MKRN1: variants seen among roughly 807,000 people sequenced by gnomAD.
The protein encoded by MKRN1 is E3 ubiquitin-protein ligase makorin-1.
In MKRN1, 9 loss-of-function variants were observed where a neutral mutation model predicts 55.5. The observed-to-expected ratio is 0.16, with a 90% CI of 0.10 to 0.28. The LOEUF (loss-of-function observed/expected upper bound fraction) is 0.28, where lower values mean the gene tolerates loss of function less well. MKRN1 is among the 10% of genes least tolerant of loss of function. MKRN1 has a pLI of 1.00. For synonymous variants in MKRN1, 253 were observed against 235.9 expected, an observed-to-expected ratio of 1.07 and a Z score of -0.66; for missense variants, 488 against 626.7, an observed-to-expected ratio of 0.78 and a Z score of 2.36.
At chr7:140,473,080 C>T (rs914605303) in intron 1 of MKRN1, among the ~76,000 whole-genome samples, 1 of 151,342 alleles carries the variant, frequency 6.6e-6, no homozygotes, top group African/African-American at 2.4e-5. Flanking sequence ...GCCTGGACAA[C>T]AGAGAGACTC....
In MKRN1 at chr7:140,454,381, C is replaced by T. The variant is rs1794408174; in HGVS notation, c.*136G>A. 6 of 754,978 alleles carry T rather than the reference C, an allele frequency of 7.9e-6. No homozygotes were observed. The African/African-American group carries it at 8.7e-5, about 11-fold the overall frequency. The allele number at this position is 754,978 out of a possible 1,614,324, so 46.8% of individuals were successfully genotyped here. ...AAAGGTGAGGGGTTGAGAAGACAGG[C>T]CCTGGGTAAAAATTCTTAGGACAGC... On this transcript the variant is annotated 3_prime_UTR_variant, in exon 8 of 8. Coordinates refer to ENST00000255977, the MANE Select transcript of MKRN1 (RefSeq NM_013446.4).
chr7:140,456,121 T>TG (rs1389603564), intron 5 of MKRN1: 37 of 1,141,160 alleles, frequency 3.2e-5, no homozygotes, highest in Non-Finnish European at 1.9e-5. Context: ...TTCTTTTTTT[T>TG]TTTTTTTGAA....
intron 5 of MKRN1, 69 bp downstream of exon 5, chr7:140,456,583 A>G: frequency 6.3e-7 from 1 of 1,577,102 alleles, no homozygotes; most frequent in Admixed American, 1.8e-5. Context: ...TCTGGTTGAA[A>G]GTTGGCACAA....
At chr7:140,477,387 T>C (rs1354368225) in intron 1 of MKRN1, among the ~76,000 whole-genome samples, 1 of 152,152 alleles carries the variant, frequency 6.6e-6, no homozygotes, top group Non-Finnish European at 1.5e-5. Flanking sequence ...AGTGGTGTGA[T>C]ATTGGCTCAC....
Position 140,456,238 on chromosome 7 carries a change from T to A in MKRN1, c.987-338A>T, listed in dbSNP as rs1051261212. The A allele has an allele frequency of 1.2e-5, 14 of 1,155,380 alleles. No homozygotes were observed. The Admixed American group carries it at 1.3e-4, about 11-fold the overall frequency. The allele number at this position is 1,155,380 out of a possible 1,614,324, so 71.6% of individuals were successfully genotyped here. A position where few individuals can be genotyped will look rare whatever the true frequency, so the allele number is the denominator to read the frequency against. On this transcript the variant is annotated intron_variant, in intron 5 of 7. Transcript: ENST00000255977. ...TCTTGTAGCTTTGCTCTGTTTAGAT[T>A]ATGTGGTTTTTGTTCAGTTATGAGA...
intron 7 of MKRN1, 55 bp from the exon 8 acceptor site, chr7:140,454,784 C>A: frequency 6.4e-7 from 1 of 1,562,338 alleles, no homozygotes; most frequent in Non-Finnish European, 8.8e-7. Flanking sequence ...ATCTTCTATC[C>A]TGTTGTTTAT....
intron 2 of MKRN1, among the ~76,000 whole-genome samples, chr7:140,463,681 G>C (rs10238372): frequency 0.96 from 145,214 of 151,748 alleles, 69,569 homozygotes; most frequent in Middle Eastern, 0.98. Flanking sequence ...GTCAGGAGAT[G>C]GAGACCATCC....
intron 2 of MKRN1, among the ~76,000 whole-genome samples, chr7:140,470,520 G>A (rs866592803): frequency 6.6e-6 from 1 of 152,058 alleles, no homozygotes; most frequent in Non-Finnish European, 1.5e-5. Context: ...AGGAGGCGGA[G>A]GTTGCAGTGA....
chr7:140,459,282 A>G, intron 3 of MKRN1, 49 bp from the exon 4 acceptor site: 1 of 1,566,504 alleles, frequency 6.4e-7, no homozygotes, highest in Non-Finnish European at 8.8e-7. Flanking sequence ...TAAGGCATGA[A>G]CTATAAGAGA....
intron 1 of MKRN1, among the ~76,000 whole-genome samples, chr7:140,476,471 C>CAA (rs59392050): frequency 0.024 from 1,772 of 72,458 alleles, 52 homozygotes; most frequent in Middle Eastern, 0.04. Context: ...CACTCCATCT[C>CAA]AAAAAAAAAA....
intron 4 of MKRN1, among the ~76,000 whole-genome samples, chr7:140,457,726 A>C (rs1354588224): frequency 6.6e-6 from 1 of 152,026 alleles, no homozygotes; most frequent in African/African-American, 2.4e-5. Flanking sequence ...AAAAAATAAC[A>C]CTGCAGAAGA....
chr7:140,466,999 C>CA (rs1337705549), intron 2 of MKRN1, among the ~76,000 whole-genome samples: 1 of 147,818 alleles, frequency 6.8e-6, no homozygotes, highest in Non-Finnish European at 1.5e-5. Flanking sequence ...TTTTTTGAGA[C>CA]AGAGTTTCGC....
chr7:140,476,200 A>C (rs1439668885), intron 1 of MKRN1, among the ~76,000 whole-genome samples: 1 of 152,184 alleles, frequency 6.6e-6, no homozygotes, highest in Non-Finnish European at 1.5e-5. Context: ...TACCTAGCAA[A>C]CATATTGAAA....
intron 2 of MKRN1, among the ~76,000 whole-genome samples, chr7:140,468,599 G>A (rs1379282897): frequency 6.6e-6 from 1 of 150,520 alleles, no homozygotes; most frequent in Non-Finnish European, 1.5e-5. Context: ...TACTCCGGAG[G>A]TTGAGGCAGG....
chr7:140,455,350 T>TC (rs1794437803), intron 6 of MKRN1, 117 bp from the exon 7 acceptor site: 1 of 1,264,236 alleles, frequency 7.9e-7, no homozygotes, highest in Non-Finnish European at 1.1e-6. Flanking sequence ...CTTACAGCCC[T>TC]CCCCAAGATG....
chr7:140,459,970 G>C (rs377447350), intron 2 of MKRN1, 34 bp from the exon 3 acceptor site: 1 of 1,568,478 alleles, frequency 6.4e-7, no homozygotes, highest in African/African-American at 1.4e-5. Flanking sequence ...CAGTCGGCCA[G>C]TCGTGGTGGC....
At chr7:140,468,830 TA>T (rs1340293644) in intron 2 of MKRN1, among the ~76,000 whole-genome samples, 5 of 150,708 alleles carry the variant, frequency 3.3e-5, no homozygotes, top group Non-Finnish European at 5.9e-5. Context: ...GAGTAGCAAC[TA>T]AACAAAGTTT....
chr7:140,454,381 C>A lies in MKRN1; in HGVS notation c.*136G>T. ...AAAGGTGAGGGGTTGAGAAGACAGGCCCTGGGTAAAAATTCTTAGGACAGC... is the reference window on the plus strand; with the variant it reads ...AAAGGTGAGGGGTTGAGAAGACAGGACCTGGGTAAAAATTCTTAGGACAGC... On this transcript the variant is annotated 3_prime_UTR_variant, in exon 8 of 8. Coordinates refer to ENST00000255977, the MANE Select transcript of MKRN1 (RefSeq NM_013446.4). 1 of 754,970 alleles carries A rather than the reference C, an allele frequency of 1.3e-6. No individual in the cohort carries two copies. The allele number at this position is 754,970 out of a possible 1,614,324, so 46.8% of individuals were successfully genotyped here. A position where few individuals can be genotyped will look rare whatever the true frequency, so the allele number is the denominator to read the frequency against.
In MKRN1 at chr7:140,454,025, G is replaced by A. The variant is rs371344862; in HGVS notation, c.*492C>T. On this transcript the variant is annotated 3_prime_UTR_variant, in exon 8 of 8. Coordinates refer to ENST00000255977, the MANE Select transcript of MKRN1 (RefSeq NM_013446.4). ...CACGTGGTAGGGATTACAGGGTAGG[G>A]AACAGATATAAAAACACAGATGTGC... The A allele has an allele frequency of 1.7e-4, 30 of 180,548 alleles. No individual in the cohort carries two copies. In the East Asian group the frequency reaches 3.2e-3, roughly 19 times the overall value. 11.2% of individuals were successfully genotyped at this position (180,548 alleles called of 1,614,324 possible). A position where few individuals can be genotyped will look rare whatever the true frequency, so the allele number is the denominator to read the frequency against.
Sources: allele counts gnomAD v4.1 joint callset (sites outside exome capture counted in the v4.1 genomes callset), GRCh38; gene constraint gnomAD v4.1.1; transcripts MANE v1.5; gene names NCBI Gene and HGNC (gene_info 2026-07-23, HGNC 2026-07-21).